The following ARID2 variants were observed in gnomAD, a reference collection of about 807,000 sequenced individuals.
ARID2 encodes the protein AT-rich interactive domain-containing protein 2.
In ARID2, 32 loss-of-function variants were observed where a neutral mutation model predicts 184.6. That is an observed-to-expected ratio of 0.17 (90% CI 0.13 to 0.23). The LOEUF is 0.23. Ranked by LOEUF, ARID2 falls within the 10% of genes least tolerant of loss-of-function variation. The pLI, the probability that ARID2 is intolerant of heterozygous loss-of-function variation, is 1.00. For missense variants in ARID2, 1,696 were observed against 2,197.6 expected (o/e 0.77, Z 4.56); for synonymous variants, 836 against 772.6 (o/e 1.08, Z -1.36).
chr12:45,736,160 A>G (rs1941115536), intron 3 of ARID2, among the ~76,000 whole-genome samples: 2 of 152,204 alleles, frequency 1.3e-5, no homozygotes, highest in Admixed American at 6.5e-5. Context: ...GACCAAGACC[A>G]GTCTGGCTAA....
At chr12:45,872,705 C>T (rs754790279) in intron 16 of ARID2, among the ~76,000 whole-genome samples, 7 of 152,170 alleles carry the variant, frequency 4.6e-5, no homozygotes, top group Non-Finnish European at 1.0e-4. Context: ...ACAGCCAAAC[C>T]ATATCAATTA....
intron 3 of ARID2, among the ~76,000 whole-genome samples, chr12:45,785,863 A>T (rs1382266960): frequency 6.6e-6 from 1 of 152,192 alleles, no homozygotes; most frequent in Non-Finnish European, 1.5e-5. Context: ...CCTAAAAAAG[A>T]TCCAGTGAAA....
chr12:45,812,537 G>C (rs1942729835), intron 4 of ARID2, among the ~76,000 whole-genome samples: 3 of 152,096 alleles, frequency 2.0e-5, no homozygotes, highest in African/African-American at 7.2e-5. Context: ...TTGGGGTAGG[G>C]GTGAAGCAGG....
At position 45,845,369 on chromosome 12, in the gene ARID2, T is replaced by G. The variant is rs188978796; in HGVS notation, c.1499-1487T>G. On this transcript the variant is annotated intron_variant, in intron 11 of 20. Coordinates refer to ENST00000334344, the MANE Select transcript of ARID2 (RefSeq NM_152641.4). ...GATTGCCAACAGGAAAAATTATTTT[T>G]GTTCTAACTGTTGCATTATCTCAAG... Among the ~76,000 whole-genome samples the G allele has an allele frequency of 2.4e-3, 359 of 152,290 alleles. 4 individuals carry two copies. The highest frequency in any genetic ancestry group is 7.9e-3 in the African/African-American group (328 of 41,566).
intron 16 of ARID2, among the ~76,000 whole-genome samples, chr12:45,875,229 A>T (rs1406885525): frequency 6.6e-6 from 1 of 152,228 alleles, no homozygotes. Context: ...GCTCCATCAG[A>T]GCTCTTGGGC....
chr12:45,753,843 C>T (rs1941514232), intron 3 of ARID2, among the ~76,000 whole-genome samples: 1 of 151,714 alleles, frequency 6.6e-6, no homozygotes, highest in Non-Finnish European at 1.5e-5. Context: ...ATCTGCCCTC[C>T]TTGGCCTTCC....
At chr12:45,832,101 G>T (rs1943133366) in intron 6 of ARID2, among the ~76,000 whole-genome samples, 1 of 152,080 alleles carries the variant, frequency 6.6e-6, no homozygotes, top group African/African-American at 2.4e-5. Flanking sequence ...AATTAATGAT[G>T]TAGTTGAGTT....
At chr12:45,869,128 G>GC (rs1555157767) in intron 16 of ARID2, among the ~76,000 whole-genome samples, 1 of 151,434 alleles carries the variant, frequency 6.6e-6, no homozygotes, top group Non-Finnish European at 1.5e-5. Context: ...CAAGCGATTC[G>GC]CCTGCCTCAG....
intron 6 of ARID2, among the ~76,000 whole-genome samples, chr12:45,828,682 G>A (rs1318085824): frequency 2.0e-5 from 3 of 151,980 alleles, no homozygotes; most frequent in Non-Finnish European, 4.4e-5. Context: ...TGTTACTGTA[G>A]CTTGGTTTTA....
intron 16 of ARID2, among the ~76,000 whole-genome samples, chr12:45,889,736 G>C (rs1243159555): frequency 6.6e-6 from 1 of 152,226 alleles, no homozygotes; most frequent in Admixed American, 6.5e-5. Context: ...TCAGGAGTTC[G>C]AGACCAGTCT....
intron 4 of ARID2, among the ~76,000 whole-genome samples, chr12:45,816,661 G>A (rs1942809348): frequency 2.0e-5 from 3 of 152,262 alleles, no homozygotes; most frequent in Admixed American, 6.5e-5. Flanking sequence ...CCAATAATTG[G>A]AAACAATCTA....
At chr12:45,750,212 G>C (rs910707704) in intron 3 of ARID2, among the ~76,000 whole-genome samples, 1 of 152,142 alleles carries the variant, frequency 6.6e-6, no homozygotes, top group African/African-American at 2.4e-5. Flanking sequence ...GTGTCTCAGG[G>C]TATAGGGATG....
At chr12:45,745,082 A>T (rs1941330500) in intron 3 of ARID2, among the ~76,000 whole-genome samples, 1 of 152,208 alleles carries the variant, frequency 6.6e-6, no homozygotes, top group Non-Finnish European at 1.5e-5. Context: ...AACCAGTCTT[A>T]TAGGAATTTA....
intron 3 of ARID2, among the ~76,000 whole-genome samples, chr12:45,807,794 A>G (rs976272825): frequency 3.9e-5 from 6 of 152,196 alleles, no homozygotes; most frequent in Non-Finnish European, 5.9e-5. Context: ...TATGTGTCCA[A>G]TACCATCTTG....
intron 3 of ARID2, among the ~76,000 whole-genome samples, chr12:45,782,315 A>G (rs1480940070): frequency 1.3e-5 from 2 of 152,180 alleles, no homozygotes; most frequent in African/African-American, 4.8e-5. Context: ...CCTGTAAAGT[A>G]AAACTAATAC....
chr12:45,827,825 A>C (rs1943030734), intron 6 of ARID2, among the ~76,000 whole-genome samples: 1 of 152,160 alleles, frequency 6.6e-6, no homozygotes, highest in African/African-American at 2.4e-5. Flanking sequence ...TATGTGCAGG[A>C]CCATGGTAAA....
At chr12:45,860,733 GACTAT>G in intron 15 of ARID2, 63 bp from the exon 16 acceptor site, 15 of 1,291,960 alleles carry the variant, frequency 1.2e-5, no homozygotes, top group Non-Finnish European at 1.5e-5. Context: ...AAATTTATAA[GACTAT>G]ACTATAAAAT....
intron 16 of ARID2, among the ~76,000 whole-genome samples, chr12:45,888,118 C>T (rs1226348932): frequency 6.6e-6 from 1 of 151,134 alleles, no homozygotes; most frequent in Non-Finnish European, 1.5e-5. Flanking sequence ...TGGTGTGAAC[C>T]TGGGAGGCGG....
chr12:45,756,249 G>A (rs1386960062), intron 3 of ARID2, among the ~76,000 whole-genome samples: 2 of 152,168 alleles, frequency 1.3e-5, no homozygotes, highest in Non-Finnish European at 2.9e-5. Context: ...ACACACATTT[G>A]TGTGGCTAGT....
Sources: allele counts gnomAD v4.1 joint callset (sites outside exome capture counted in the v4.1 genomes callset), GRCh38; gene constraint gnomAD v4.1.1; transcripts MANE v1.5; gene names NCBI Gene and HGNC (gene_info 2026-07-23, HGNC 2026-07-21).